CDH23: variants seen among roughly 807,000 people sequenced by gnomAD.
The protein encoded by CDH23 is cadherin related 23, also known as cadherin-23.
CDH23 carries 189 observed loss-of-function variants against 317.1 expected under a neutral mutation model. The ratio of observed to expected loss-of-function variants is 0.60; its 90% CI spans 0.53 to 0.67. The LOEUF (loss-of-function observed/expected upper bound fraction) is 0.67, where lower values mean the gene tolerates loss of function less well. CDH23 is among the 30% of genes least tolerant of loss of function. CDH23 has a pLI of 0.00. For missense variants in CDH23, 4,401 were observed against 4,592.4 expected, an observed-to-expected ratio of 0.96 and a Z score of 1.20; for synonymous variants, 1,839 against 1,876.8, an observed-to-expected ratio of 0.98 and a Z score of 0.52.
chr10:71,800,884 CAGAA>C (rs1841539799), intron 53 of CDH23, 129 bp downstream of exon 53: 2 of 1,310,056 alleles, frequency 1.5e-6, no homozygotes, highest in African/African-American at 1.5e-5. Context: ...GACACAGTGA[CAGAA>C]AGGAGAAGGC....
In CDH23 at chr10:71,784,894, C is replaced by G. The variant is rs2132939100; in HGVS notation, c.5506C>G (p.Leu1836Val). The change falls in exon 43 of 70, where the codon CTG becomes GTG. Residue 1836 changes from leucine (L) to valine (V), a missense_variant. By Grantham distance (32) the Leu-to-Val change is conservative. This residue lies in a region of CDH23 where 3,068 missense variants were observed against 3,203.3 expected (regional missense o/e 0.96). Transcript: ENST00000224721. ...RGMPPLSSTM[L>V]VGIRVLDIND... ...CCTCCTTCTCTGACTGGCCCAGATGCTGGTGGGGATCCGGGTGCTGGACAT... is the reference window on the plus strand; with the variant it reads ...CCTCCTTCTCTGACTGGCCCAGATGGTGGTGGGGATCCGGGTGCTGGACAT... 1.2e-6 allele frequency: 2 copies of G among 1,613,514 alleles called. No individual in the cohort carries two copies. The highest frequency in any genetic ancestry group is 1.7e-6 in the Non-Finnish European group (2 of 1,179,430).
In CDH23 at chr10:71,585,110, C is replaced by A. The variant is rs534477310; in HGVS notation, c.832+7118C>A. On this transcript the variant is annotated intron_variant, in intron 9 of 69. Transcript: ENST00000224721. ...TAACAGGCTGTGGCTCTAATCTGTC[C>A]TTGCCGCGGGGAGGTCTGGGGGTCA... Among the ~76,000 whole-genome samples the A allele has an allele frequency of 5.9e-5, 9 of 152,214 alleles. No individual in the cohort carries two copies. In the South Asian group the frequency reaches 1.9e-3, roughly 32 times the overall value.
chr10:71,777,823 T>G lies in CDH23; in HGVS notation c.4989T>G (p.Asp1663Glu). The change falls in exon 39 of 70, where the codon GAT becomes GAG. Residue 1663 changes from aspartate (D) to glutamate (E), a missense_variant. Asp to Glu is a conservative substitution (Grantham distance 45). This residue lies in a region of CDH23 where 3,068 missense variants were observed against 3,203.3 expected (regional missense o/e 0.96). Coordinates refer to ENST00000224721, the MANE Select transcript of CDH23 (RefSeq NM_022124.6). The stretch of plus-strand genomic sequence containing the variant: ...TCACCATCCAGGCACTGGACCTGGA[T>G]GAGGGTCCCAACGGCACAGTCACCT... ...SLITIQALDLDEGPNGTVTYA... is the reference protein window; with the variant it reads ...SLITIQALDLEEGPNGTVTYA... 6.2e-7 allele frequency: 1 copy of G among 1,613,870 alleles called. No homozygotes were observed. The highest frequency in any genetic ancestry group is 8.5e-7 in the Non-Finnish European group (1 of 1,179,858).
chr10:71,709,669 G>A (rs1437867716), intron 27 of CDH23, among the ~76,000 whole-genome samples: 2 of 152,148 alleles, frequency 1.3e-5, no homozygotes, highest in African/African-American at 2.4e-5. Flanking sequence ...CCAGTCCACT[G>A]GGAGATGTAA....
intron 3 of CDH23, among the ~76,000 whole-genome samples, chr10:71,452,282 G>A (rs1350956200): frequency 6.6e-6 from 1 of 152,104 alleles, no homozygotes; most frequent in East Asian, 1.9e-4. Context: ...CTGCACCTTG[G>A]CCACCACCTT....
chr10:71,734,565 G>A (rs77901168), intron 33 of CDH23, 91 bp from the exon 34 acceptor site: 8 of 1,606,146 alleles, frequency 5.0e-6, no homozygotes, highest in Middle Eastern at 1.7e-4. Flanking sequence ...AGACACTGCC[G>A]GGAGTGGGGT....
At chr10:71,427,308 C>A (rs1251820324) in intron 1 of CDH23, among the ~76,000 whole-genome samples, 1 of 151,856 alleles carries the variant, frequency 6.6e-6, no homozygotes, top group Admixed American at 6.6e-5. Flanking sequence ...TTTAGCTACC[C>A]TCCCTCCCCG....
chr10:71,806,139 T>C, intron 56 of CDH23, 29 bp from the exon 57 acceptor site: 7 of 1,545,148 alleles, frequency 4.5e-6, no homozygotes, highest in Non-Finnish European at 6.1e-6. Flanking sequence ...TCCCAGTCTT[T>C]TCCTCTGACT....
intron 9 of CDH23, among the ~76,000 whole-genome samples, chr10:71,609,780 C>G (rs1860750897): frequency 6.6e-6 from 1 of 152,226 alleles, no homozygotes; most frequent in African/African-American, 2.4e-5. Context: ...GTCACCAGCC[C>G]CATTGTGCTG....
chr10:71,569,871 CTTTCTTGCCAAGCATTAAAAAAAAATTTT>C (rs936103369), intron 7 of CDH23, among the ~76,000 whole-genome samples: 1 of 151,584 alleles, frequency 6.6e-6, no homozygotes, highest in Non-Finnish European at 1.5e-5. Flanking sequence ...TTGGAGTTTT[CTTTCTTGCCAAGCATTAAAAAAAAATTTT>C]TTTTTTGAGA....
chr10:71,470,066 C>T (rs996443963), intron 3 of CDH23, among the ~76,000 whole-genome samples: 2 of 152,074 alleles, frequency 1.3e-5, no homozygotes, highest in African/African-American at 2.4e-5. Flanking sequence ...AATTCCTGGG[C>T]TCATGTGATC....
intron 62 of CDH23, 127 bp from the exon 63 acceptor site, chr10:71,811,188 C>T (rs1412195939): frequency 9.4e-6 from 13 of 1,379,826 alleles, no homozygotes; most frequent in South Asian, 2.5e-5. Flanking sequence ...CTGTCCCAGC[C>T]GGTGGACCTC....
intron 32 of CDH23, 162 bp downstream of exon 32, chr10:71,732,537 C>A: frequency 7.6e-7 from 1 of 1,322,124 alleles, no homozygotes; most frequent in Non-Finnish European, 1.0e-6. Context: ...GAGGCTGGGG[C>A]AGGAAGATTG....
chr10:71,575,297 C>T (rs1858110168), intron 8 of CDH23, among the ~76,000 whole-genome samples: 1 of 152,038 alleles, frequency 6.6e-6, no homozygotes, highest in Non-Finnish European at 1.5e-5. Flanking sequence ...ATTCCAGGCC[C>T]AAATAAAGTA....
At chr10:71,432,420 T>A (rs1334248638) in intron 1 of CDH23, among the ~76,000 whole-genome samples, 7 of 150,926 alleles carry the variant, frequency 4.6e-5, no homozygotes, top group Admixed American at 2.0e-4. Flanking sequence ...TGTGTGAGTG[T>A]GTGGGTGAGT....
chr10:71,513,816 A>G (rs1854126425), intron 6 of CDH23, among the ~76,000 whole-genome samples: 1 of 152,158 alleles, frequency 6.6e-6, no homozygotes, highest in African/African-American at 2.4e-5. Flanking sequence ...CAGCAGGAGA[A>G]GGTCCTTCCC....
At chr10:71,473,955 G>A (rs757567566) in intron 3 of CDH23, among the ~76,000 whole-genome samples, 5 of 152,220 alleles carry the variant, frequency 3.3e-5, no homozygotes, top group East Asian at 1.9e-4. Context: ...GAGAGCTGGC[G>A]CCGACGTCTT....
At chr10:71,633,420 C>T (rs1172963105) in intron 11 of CDH23, among the ~76,000 whole-genome samples, 1 of 152,132 alleles carries the variant, frequency 6.6e-6, no homozygotes, top group African/African-American at 2.4e-5. Context: ...ACATACACGC[C>T]CCACGCCCCA....
intron 40 of CDH23, 110 bp downstream of exon 40, chr10:71,778,418 C>A: frequency 7.2e-7 from 1 of 1,398,160 alleles, no homozygotes; most frequent in South Asian, 1.3e-5. Flanking sequence ...GAGGGAAATG[C>A]CTAAATCCAA....
Sources: gnomAD v4.1 joint callset for allele counts (sites outside exome capture counted in the v4.1 genomes callset) on GRCh38, gnomAD v4.1.1 for gene constraint, gnomAD v4.1.1 regional missense constraint, MANE v1.5 for transcripts, NCBI Gene and HGNC (gene_info 2026-07-23, HGNC 2026-07-21) for gene names.